Variants in PCDH9 observed in about 807,000 individuals in gnomAD.
PCDH9 encodes protocadherin 9.
A neutral mutation model predicts 70.6 loss-of-function variants in PCDH9; 24 were observed. The ratio of observed to expected loss-of-function variants is 0.34; its 90% confidence interval spans 0.25 to 0.48. The LOEUF (loss-of-function observed/expected upper bound fraction) is 0.48, where lower values mean the gene tolerates loss of function less well. PCDH9 is among the 20% of genes least tolerant of loss of function. The pLI, the probability that PCDH9 is intolerant of heterozygous loss-of-function variation, is 0.99. For synonymous variants in PCDH9, 562 were observed against 558.5 expected (o/e 1.01, Z -0.09); for missense variants, 1,281 against 1,503.6 (o/e 0.85, Z 2.45).
intron 4 of PCDH9, among the ~76,000 whole-genome samples, chr13:66,310,123 T>C (rs1228414254): frequency 6.6e-6 from 1 of 151,994 alleles, no homozygotes; most frequent in Non-Finnish European, 1.5e-5. Context: ...ATCCTTGGGT[T>C]TGGTGTGTAT....
At chr13:66,776,745 C>T (rs1382944506) in intron 3 of PCDH9, among the ~76,000 whole-genome samples, 1 of 151,408 alleles carries the variant, frequency 6.6e-6, no homozygotes, top group African/African-American at 2.4e-5. Context: ...CATCAAGCTA[C>T]CAATGACTTT....
At chr13:67,078,805 T>C (rs1046113793) in intron 2 of PCDH9, among the ~76,000 whole-genome samples, 3 of 152,328 alleles carry the variant, frequency 2.0e-5, no homozygotes, top group Admixed American at 1.3e-4. Flanking sequence ...CTATTTAATG[T>C]ATTAAATTCT....
rs78375636 is a variant in PCDH9 at position 66,542,340 on chromosome 13, T to G, written c.3340+88870A>C. 4.7e-3 allele frequency among the ~76,000 whole-genome samples: 721 copies of G among 152,250 alleles called. 14 individuals carry two copies. Among genetic ancestry groups the G allele is most frequent in the African/African-American group, 0.017 (698 of 41,572 alleles). ...TATAGCACCCAGTTATGCAATCAGA[T>G]TCCAATCTTGGTGTTGTTATGAAGG... On this transcript the variant is annotated intron_variant, in intron 4 of 4. Transcript: ENST00000377865.
chr13:66,348,911 C>A (rs1029060941), intron 4 of PCDH9, among the ~76,000 whole-genome samples: 3 of 152,110 alleles, frequency 2.0e-5, no homozygotes, highest in Admixed American at 2.0e-4. Flanking sequence ...ACACTTGTAA[C>A]CTTTCCCTTC....
intron 2 of PCDH9, among the ~76,000 whole-genome samples, chr13:67,005,384 T>C (rs2084330792): frequency 6.6e-6 from 1 of 152,186 alleles, no homozygotes; most frequent in Admixed American, 6.5e-5. Context: ...GCTAGCAACT[T>C]ACTATATAAA....
intron 3 of PCDH9, among the ~76,000 whole-genome samples, chr13:66,860,850 T>A (rs1443447863): frequency 6.6e-6 from 1 of 152,202 alleles, no homozygotes; most frequent in African/African-American, 2.4e-5. Context: ...GGAAAGGTCA[T>A]TTCTTTACAC....
intron 4 of PCDH9, among the ~76,000 whole-genome samples, chr13:66,502,918 T>C (rs1806098976): frequency 6.6e-6 from 1 of 152,182 alleles, no homozygotes; most frequent in African/African-American, 2.4e-5. Context: ...GCCACTAATT[T>C]AAGTCTGCAA....
intron 2 of PCDH9, among the ~76,000 whole-genome samples, chr13:67,156,320 C>T (rs1304299271): frequency 6.6e-6 from 1 of 152,102 alleles, no homozygotes; most frequent in Non-Finnish European, 1.5e-5. Context: ...ATGTCAAATG[C>T]AGCATATCAG....
intron 2 of PCDH9, among the ~76,000 whole-genome samples, chr13:67,070,128 G>A (rs1287730499): frequency 6.6e-6 from 1 of 150,970 alleles, no homozygotes; most frequent in East Asian, 1.9e-4. Flanking sequence ...AAATAAAATA[G>A]GGTTATTTTA....
chr13:66,864,570 T>C (rs1482899917), intron 3 of PCDH9, among the ~76,000 whole-genome samples: 2 of 152,228 alleles, frequency 1.3e-5, no homozygotes, highest in Non-Finnish European at 2.9e-5. Context: ...TTTGGACATT[T>C]AGAATGTTTG....
chr13:66,780,655 T>C (rs995073865), intron 3 of PCDH9, among the ~76,000 whole-genome samples: 1 of 152,108 alleles, frequency 6.6e-6, no homozygotes, highest in Admixed American at 6.6e-5. Context: ...TACCTTACAA[T>C]TCCCCGTGAT....
chr13:67,151,205 A>G (rs1329424979), intron 2 of PCDH9, among the ~76,000 whole-genome samples: 2 of 152,024 alleles, frequency 1.3e-5, no homozygotes, highest in African/African-American at 2.4e-5. Context: ...AAAAAAAATC[A>G]CATTCATGTG....
At chr13:67,200,530 T>A (rs2138049911) in intron 2 of PCDH9, among the ~76,000 whole-genome samples, 1 of 152,226 alleles carries the variant, frequency 6.6e-6, no homozygotes, top group South Asian at 2.1e-4. Context: ...TTATATTGAC[T>A]ATATTTAAGA....
At chr13:67,153,510 A>G (rs374161005) in intron 2 of PCDH9, among the ~76,000 whole-genome samples, 33 of 152,084 alleles carry the variant, frequency 2.2e-4, no homozygotes, top group Admixed American at 6.6e-4. Context: ...ACTTTTCACA[A>G]TACACTTAAC....
At chr13:66,347,473 A>G (rs904652887) in intron 4 of PCDH9, among the ~76,000 whole-genome samples, 1 of 152,194 alleles carries the variant, frequency 6.6e-6, no homozygotes, top group African/African-American at 2.4e-5. Context: ...CTCGGAAAAA[A>G]AACAAAAACA....
At chr13:66,768,163 T>C (rs1448924770) in intron 3 of PCDH9, among the ~76,000 whole-genome samples, 2 of 152,124 alleles carry the variant, frequency 1.3e-5, no homozygotes, top group African/African-American at 4.8e-5. Flanking sequence ...ATGACTTCTA[T>C]TATTTGTTGA....
intron 2 of PCDH9, among the ~76,000 whole-genome samples, chr13:67,005,831 T>A (rs1192394684): frequency 6.6e-6 from 1 of 152,224 alleles, no homozygotes; most frequent in African/African-American, 2.4e-5. Flanking sequence ...TTCATAGGTA[T>A]TTAGTCCTGC....
intron 2 of PCDH9, among the ~76,000 whole-genome samples, chr13:67,167,456 C>G (rs547845217): frequency 1.3e-5 from 2 of 152,230 alleles, no homozygotes; most frequent in African/African-American, 4.8e-5. Flanking sequence ...TACATAAATT[C>G]AAATTACTCT....
At chr13:66,675,509 T>G (rs1166778704) in intron 3 of PCDH9, among the ~76,000 whole-genome samples, 1 of 152,114 alleles carries the variant, frequency 6.6e-6, no homozygotes, top group Non-Finnish European at 1.5e-5. Flanking sequence ...TAGTCAAACA[T>G]ATTTCTTTTA....
Sources: allele counts gnomAD v4.1 joint callset (sites outside exome capture counted in the v4.1 genomes callset), GRCh38; gene constraint gnomAD v4.1.1; transcripts MANE v1.5; gene names NCBI Gene and HGNC (gene_info 2026-07-23, HGNC 2026-07-21).